SLC11A2: variants seen among roughly 807,000 people sequenced by gnomAD.
SLC11A2 encodes natural resistance-associated macrophage protein 2.
SLC11A2 carries 38 observed loss-of-function variants against 68.0 expected under a neutral mutation model. The observed-to-expected ratio is 0.56, with a 90% CI of 0.43 to 0.73. The LOEUF is 0.73. Ranked by LOEUF, SLC11A2 falls within the 30% of genes least tolerant of loss-of-function variation. The probability of loss-of-function intolerance (pLI) is 0.00; values close to 1 mark genes in which losing one functional copy is unlikely to be tolerated. For synonymous variants in SLC11A2, 242 were observed against 250.6 expected (o/e 0.97, Z 0.32); for missense variants, 517 against 690.5 (o/e 0.75, Z 2.82).
Position 50,990,925 on chromosome 12 carries a change from A to C in SLC11A2, c.1445T>G (p.Ile482Ser). The C allele has an allele frequency of 1.2e-6, 2 of 1,614,086 alleles. No homozygotes were observed. The highest frequency in any genetic ancestry group is 8.5e-7 in the Non-Finnish European group (1 of 1,179,976). Residue 482 changes from isoleucine to serine, a missense_variant, in exon 15 of 16, where the codon ATC becomes AGC. Transcript: ENST00000262052. ...NGLGWRIAGGILVLIICSINM... is the reference protein window; with the variant it reads ...NGLGWRIAGGSLVLIICSINM... Reference sequence around the variant, plus strand: ...GATGGAACAGATGATAAGGACCAAGATTCCTCCTGCAATCCGCCAGCCTCT... The same window carrying C: ...GATGGAACAGATGATAAGGACCAAGCTTCCTCCTGCAATCCGCCAGCCTCT...
chr12:51,018,150 T>C (rs1168368092), intron 1 of SLC11A2, among the ~76,000 whole-genome samples: 2 of 152,206 alleles, frequency 1.3e-5, no homozygotes, highest in Non-Finnish European at 2.9e-5. Flanking sequence ...ATCCCAGCAC[T>C]TTGGGAAGCC....
chr12:51,009,958 G>C (rs1943064354), intron 2 of SLC11A2, among the ~76,000 whole-genome samples: 1 of 152,040 alleles, frequency 6.6e-6, no homozygotes, highest in Non-Finnish European at 1.5e-5. Flanking sequence ...GAGACGGGTG[G>C]ACCACCTGAG....
the SLC11A2 span, among the ~76,000 whole-genome samples, chr12:50,962,801 A>G: frequency 2.6e-5 from 4 of 152,204 alleles, no homozygotes; most frequent in Non-Finnish European, 2.9e-5. Context: ...GATGTAAACC[A>G]TGTACTGAAC....
rs551917736 is a variant in SLC11A2, at chr12:50,996,002, G to C, written c.832-215C>G. On this transcript the variant is annotated intron_variant, in intron 9 of 15. Coordinates refer to ENST00000262052, the MANE Select transcript of SLC11A2 (RefSeq NM_000617.3). ...GAACTTCATGCCCTTTCGTTGAACT[G>C]TACATTCCCCAAATAGGGAACAGAG... Among the ~76,000 whole-genome samples, 7 of 152,264 alleles carry C rather than the reference G, an allele frequency of 4.6e-5. No individual in the cohort carries two copies. The South Asian group carries it at 1.5e-3, about 32-fold the overall frequency.
chr12:50,965,256 C>T, the SLC11A2 span, among the ~76,000 whole-genome samples: 1 of 151,296 alleles, frequency 6.6e-6, no homozygotes. Context: ...TGGGACTACA[C>T]GTGTGCACCA....
At chr12:50,966,907 G>A in the SLC11A2 span, among the ~76,000 whole-genome samples, 1 of 152,106 alleles carries the variant, frequency 6.6e-6, no homozygotes, top group Admixed American at 6.6e-5. Context: ...TTTGAGGTCA[G>A]GAGTTCGAGA....
At position 50,986,188 on chromosome 12, in the gene SLC11A2, A is replaced by G. The variant is rs1230339946; in HGVS notation, c.*2137T>C. On this transcript the variant is annotated 3_prime_UTR_variant, in exon 16 of 16. Coordinates refer to ENST00000262052, the MANE Select transcript of SLC11A2 (RefSeq NM_000617.3). The stretch of plus-strand genomic sequence containing the variant: ...CATGTCACATTTAAGAAGAACAAGA[A>G]CCAATTTATATAAAGTACAATTGTA... 1 of 1,284,642 alleles carries G rather than the reference A, an allele frequency of 7.8e-7. No individual in the cohort carries two copies. Among genetic ancestry groups the G allele is most frequent in the Non-Finnish European group, 1.0e-6 (1 of 986,546 alleles). The allele number at this position is 1,284,642 out of a possible 1,614,324, so 79.6% of individuals were successfully genotyped here. A position where few individuals can be genotyped will look rare whatever the true frequency, so the allele number is the denominator to read the frequency against.
rs772280207 is a variant in SLC11A2 at position 51,008,490 on chromosome 12, T to C, written c.169A>G (p.Ile57Val). 2.5e-6 allele frequency: 4 copies of C among 1,613,198 alleles called. No individual in the cohort carries two copies. The South Asian group carries it at 3.3e-5, about 13-fold the overall frequency. The change falls in exon 3 of 16, where the codon ATT becomes GTT. Residue 57 changes from isoleucine to valine, a missense_variant. By Grantham distance (29) the Ile-to-Val change is conservative. Transcript: ENST00000262052. ...FATYFNEKIS[I>V]PEEEYSCFSF... ...CTGATACTAACCTCCTCCTCAGGAA[T>C]GGAGATCTTCTCATTAAAGTAAGTG...
downstream of SLC11A2, chr12:50,981,689 G>A (rs1480667868): frequency 2.1e-6 from 3 of 1,414,024 alleles, no homozygotes; most frequent in Non-Finnish European, 9.7e-7. Flanking sequence ...AAAGGGCTTA[G>A]AAAAACATGT....
At chr12:51,003,294 T>C (rs1942432279) in intron 5 of SLC11A2, among the ~76,000 whole-genome samples, 2 of 150,468 alleles carry the variant, frequency 1.3e-5, no homozygotes, top group South Asian at 4.2e-4. Context: ...TCCCAGCACT[T>C]TGGGAGGCGA....
chr12:50,974,618 G>A (rs906007564), downstream of SLC11A2, among the ~76,000 whole-genome samples: 4 of 152,134 alleles, frequency 2.6e-5, no homozygotes, highest in African/African-American at 9.7e-5. Context: ...CATAATGACA[G>A]GATCAAATTC....
chr12:50,969,128 C>T, the SLC11A2 span, among the ~76,000 whole-genome samples: 2 of 148,366 alleles, frequency 1.3e-5, no homozygotes, highest in Admixed American at 6.7e-5. Context: ...AACCCCATCT[C>T]TACTAAAAAT....
At chr12:51,001,227 C>G (rs1442063410) in intron 5 of SLC11A2, among the ~76,000 whole-genome samples, 2 of 151,196 alleles carry the variant, frequency 1.3e-5, no homozygotes, top group African/African-American at 4.9e-5. Flanking sequence ...AATCTCAGCA[C>G]TTTGGGATGC....
At chr12:50,997,412 A>G (rs1198509349) in intron 8 of SLC11A2, among the ~76,000 whole-genome samples, 3 of 152,144 alleles carry the variant, frequency 2.0e-5, no homozygotes, top group African/African-American at 7.2e-5. Flanking sequence ...ATTAATTTCT[A>G]AAGAAAGGGC....
the SLC11A2 span, among the ~76,000 whole-genome samples, chr12:50,973,063 G>A: frequency 1.3e-5 from 2 of 152,172 alleles, no homozygotes; most frequent in East Asian, 1.9e-4. Flanking sequence ...CCACCTCTGG[G>A]GGCAGGGCAT....
At chr12:51,025,683 T>C (rs1179883859) in intron 1 of SLC11A2, 1 of 853,184 alleles carries the variant, frequency 1.2e-6, no homozygotes, top group Non-Finnish European at 1.4e-6. Flanking sequence ...ATATGTGCAA[T>C]ATCCCCCTGT....
intron 1 of SLC11A2, among the ~76,000 whole-genome samples, chr12:51,014,421 C>T (rs1028912023): frequency 5.9e-5 from 9 of 152,126 alleles, no homozygotes; most frequent in Non-Finnish European, 1.3e-4. Flanking sequence ...CGTTCAAATA[C>T]AAAAAGTTTC....
the SLC11A2 span, among the ~76,000 whole-genome samples, chr12:50,967,410 G>A: frequency 2.0e-5 from 3 of 152,096 alleles, no homozygotes; most frequent in Admixed American, 6.6e-5. Flanking sequence ...GCCTCTCAAA[G>A]TGCTGGGATT....
intron 10 of SLC11A2, chr12:50,995,076 C>T (rs1448443350): frequency 3.0e-5 from 7 of 232,142 alleles, no homozygotes; most frequent in East Asian, 1.2e-4. Flanking sequence ...TTTGAGAGGC[C>T]GAGGCAGGTG....
Sources: gnomAD v4.1 joint callset for allele counts (sites outside exome capture counted in the v4.1 genomes callset) on GRCh38, gnomAD v4.1.1 for gene constraint, MANE v1.5 for transcripts, NCBI Gene and HGNC (gene_info 2026-07-23, HGNC 2026-07-21) for gene names.